VPS53: variants seen among roughly 807,000 people sequenced by gnomAD.
The protein encoded by VPS53 is vacuolar protein sorting-associated protein 53 homolog.
A neutral mutation model predicts 107.0 loss-of-function variants in VPS53; 70 were observed. The ratio of observed to expected loss-of-function variants is 0.65; its 90% confidence interval spans 0.54 to 0.80. The LOEUF is 0.80. Ranked by LOEUF, VPS53 falls within the 30% of genes least tolerant of loss-of-function variation. VPS53 has a pLI of 0.00. For missense variants in VPS53, 917 were observed against 1,049.4 expected, an observed-to-expected ratio of 0.87 and a Z score of 1.74; for synonymous variants, 409 against 393.3, an observed-to-expected ratio of 1.04 and a Z score of -0.47.
intron 5 of VPS53, chr17:656,930 C>T: frequency 7.8e-7 from 1 of 1,275,996 alleles, no homozygotes; most frequent in Non-Finnish European, 1.1e-6. Flanking sequence ...AACTTGAGTG[C>T]CAAAGCTGTT....
chr17:709,328 T>A lies in VPS53; in HGVS notation c.168+1205A>T, dbSNP rs565863166. Among the ~76,000 whole-genome samples the A allele has an allele frequency of 9.8e-5, 15 of 152,362 alleles. 1 individual carries two copies. The highest frequency in any genetic ancestry group is 3.6e-4 in the African/African-American group (15 of 41,582). On this transcript the variant is annotated intron_variant, in intron 2 of 21. Coordinates refer to ENST00000437048, the MANE Select transcript of VPS53 (RefSeq NM_001128159.3). ...GTCTTTCTCCCTACACTAGACTCCA[T>A]AAGACCAAGACCAGATTTGTCATGT...
intron 4 of VPS53, among the ~76,000 whole-genome samples, chr17:685,548 C>G (rs1230116789): frequency 6.6e-6 from 1 of 152,154 alleles, no homozygotes; most frequent in Non-Finnish European, 1.5e-5. Flanking sequence ...TGTAAGTGTT[C>G]TGAGCAAATA....
intron 11 of VPS53, among the ~76,000 whole-genome samples, chr17:619,270 G>C (rs1187661037): frequency 6.9e-6 from 1 of 145,512 alleles, no homozygotes; most frequent in African/African-American, 2.6e-5. Context: ...CTACACGTGT[G>C]CACCACCACA....
intron 18 of VPS53, among the ~76,000 whole-genome samples, chr17:534,199 A>T (rs569680723): frequency 1.7e-4 from 26 of 152,264 alleles, no homozygotes; most frequent in African/African-American, 6.3e-4. Context: ...TTAATATGTG[A>T]CTTCTCATTT....
chr17:692,523 G>C (rs1972812117), intron 4 of VPS53, among the ~76,000 whole-genome samples: 1 of 152,066 alleles, frequency 6.6e-6, no homozygotes, highest in African/African-American at 2.4e-5. Flanking sequence ...CCAAGCGGCT[G>C]GTATTTCAGA....
intron 18 of VPS53, 106 bp downstream of exon 18, chr17:536,922 T>A: frequency 1.4e-6 from 2 of 1,428,664 alleles, no homozygotes; most frequent in South Asian, 2.7e-5. Flanking sequence ...ACACGGGAAA[T>A]CTCTGTGCTT....
intron 12 of VPS53, among the ~76,000 whole-genome samples, chr17:598,267 A>G (rs1319922624): frequency 6.6e-6 from 1 of 152,004 alleles, no homozygotes; most frequent in African/African-American, 2.4e-5. Flanking sequence ...TCAGTGCTCA[A>G]TGGTGCCCAG....
At position 515,788 on chromosome 17, in the gene VPS53, C is replaced by T. The variant is rs1343176221; in HGVS notation, c.*3340G>A. Reference sequence around the variant, plus strand: ...AGAGCCCAATCCTGGGCATGGTCCCCACCACCACCAAAAGTCTTTTTTTTT... The same window carrying T: ...AGAGCCCAATCCTGGGCATGGTCCCTACCACCACCAAAAGTCTTTTTTTTT... On this transcript the variant is annotated 3_prime_UTR_variant, in exon 22 of 22. Transcript: ENST00000437048. 6.6e-6 allele frequency: 1 copy of T among 150,898 alleles called. No homozygotes were observed. Among genetic ancestry groups the T allele is most frequent in the Non-Finnish European group, 1.5e-5 (1 of 67,720 alleles). The allele number at this position is 150,898 out of a possible 1,614,324, so 9.3% of individuals were successfully genotyped here.
At chr17:592,711 G>A (rs1436696552) in intron 12 of VPS53, among the ~76,000 whole-genome samples, 4 of 152,078 alleles carry the variant, frequency 2.6e-5, no homozygotes, top group Non-Finnish European at 5.9e-5. Context: ...GTTGAATATT[G>A]GCCACCACTC....
rs367566365 is a variant in VPS53, at chr17:681,943, C to A, written c.285+15475G>T. Among the ~76,000 whole-genome samples the A allele has an allele frequency of 1.8e-3, 270 of 152,292 alleles. 3 individuals carry two copies. In the South Asian group the frequency reaches 0.025, roughly 14 times the overall value. ...AAGGCCCTGCTTTTAAATCCTGTCA[C>A]AATAGGGATTAAGTTCCAGCATAGG... On this transcript the variant is annotated intron_variant, in intron 4 of 21. Coordinates refer to ENST00000437048, the MANE Select transcript of VPS53 (RefSeq NM_001128159.3).
chr17:608,288 C>T (rs944715909), intron 11 of VPS53, among the ~76,000 whole-genome samples: 1 of 152,218 alleles, frequency 6.6e-6, no homozygotes, highest in Non-Finnish European at 1.5e-5. Flanking sequence ...GATCCAATTT[C>T]TCATCTTTTC....
At chr17:639,825 C>T (rs1970351496) in intron 7 of VPS53, among the ~76,000 whole-genome samples, 1 of 152,184 alleles carries the variant, frequency 6.6e-6, no homozygotes, top group Non-Finnish European at 1.5e-5. Context: ...AGGGTGCCTC[C>T]CAGTTAGGCT....
At chr17:694,592 A>T (rs544635975) in intron 4 of VPS53, among the ~76,000 whole-genome samples, 1 of 152,364 alleles carries the variant, frequency 6.6e-6, no homozygotes, top group East Asian at 1.9e-4. Context: ...TACTATTCCC[A>T]GTAGCAGCAA....
intron 9 of VPS53, among the ~76,000 whole-genome samples, 172 bp downstream of exon 9, chr17:627,916 C>G (rs1172481786): frequency 6.6e-6 from 1 of 152,168 alleles, no homozygotes; most frequent in Non-Finnish European, 1.5e-5. Context: ...TCCAAAGGGT[C>G]AGTGACCTCA....
At chr17:596,982 G>A (rs538211621) in intron 12 of VPS53, among the ~76,000 whole-genome samples, 1 of 152,158 alleles carries the variant, frequency 6.6e-6, no homozygotes, top group Non-Finnish European at 1.5e-5. Flanking sequence ...AGATTAAATC[G>A]AACCGCTCGG....
At chr17:707,244 G>A (rs1011939859) in intron 2 of VPS53, among the ~76,000 whole-genome samples, 25 of 152,022 alleles carry the variant, frequency 1.6e-4, no homozygotes, top group African/African-American at 2.7e-4. Context: ...TCTGTGGGTC[G>A]GGCGCGGTGG....
intron 17 of VPS53, among the ~76,000 whole-genome samples, chr17:541,181 C>T (rs574217884): frequency 1.3e-5 from 2 of 152,192 alleles, no homozygotes; most frequent in Non-Finnish European, 2.9e-5. Context: ...CAGGCACACA[C>T]GTACACGCTC....
intron 14 of VPS53, among the ~76,000 whole-genome samples, chr17:561,945 T>C (rs761513444): frequency 4.0e-4 from 61 of 152,196 alleles, no homozygotes; most frequent in Non-Finnish European, 1.8e-4. Flanking sequence ...TGCCTCAGGA[T>C]AACACAATAG....
At chr17:521,517 G>T in intron 20 of VPS53, 84 bp downstream of exon 20, 1 of 1,432,680 alleles carries the variant, frequency 7.0e-7, no homozygotes, top group South Asian at 1.5e-5. Context: ...GTGAGGATAG[G>T]ACCTACCCTG....
Sources: allele counts gnomAD v4.1 joint callset (sites outside exome capture counted in the v4.1 genomes callset), GRCh38; gene constraint gnomAD v4.1.1; transcripts MANE v1.5; gene names NCBI Gene and HGNC (gene_info 2026-07-23, HGNC 2026-07-21).